Variants in GRID2 observed in about 807,000 individuals in gnomAD.
GRID2 encodes the protein glutamate ionotropic receptor delta type subunit 2.
In GRID2, 33 loss-of-function variants were observed where a neutral mutation model predicts 114.8. That is an observed-to-expected ratio of 0.29 (90% CI 0.22 to 0.38). GRID2 has a LOEUF of 0.38. Among genes scored for constraint, GRID2 ranks in the 10% least tolerant of loss-of-function variants. The pLI is 1.00. For synonymous variants in GRID2, 505 were observed against 449.9 expected (o/e 1.12, Z -1.55); for missense variants, 1,184 against 1,257.7 (o/e 0.94, Z 0.89).
At chr4:93,376,927 T>C (rs910725130) in intron 8 of GRID2, among the ~76,000 whole-genome samples, 2 of 152,142 alleles carry the variant, frequency 1.3e-5, no homozygotes, top group Non-Finnish European at 2.9e-5. Context: ...TTGCACACAT[T>C]TACCTTTGTA....
intron 2 of GRID2, among the ~76,000 whole-genome samples, chr4:92,988,042 A>G (rs1415900457): frequency 1.3e-5 from 2 of 152,224 alleles, no homozygotes; most frequent in East Asian, 1.9e-4. Context: ...CATTTATTCA[A>G]TAACTATTCA....
chr4:92,658,791 GTGTATA>G (rs1373711573), intron 2 of GRID2, among the ~76,000 whole-genome samples: 1,440 of 111,150 alleles, frequency 0.013, 34 homozygotes, highest in African/African-American at 0.041. Flanking sequence ...GTGTGTGTGT[GTGTATA>G]TATATATATA....
chr4:93,245,785 T>A (rs1748140165), intron 8 of GRID2, among the ~76,000 whole-genome samples: 1 of 152,214 alleles, frequency 6.6e-6, no homozygotes, highest in Non-Finnish European at 1.5e-5. Flanking sequence ...ATAGTAATAC[T>A]TATCTCTCAG....
At chr4:93,481,107 T>C (rs1291639775) in intron 11 of GRID2, among the ~76,000 whole-genome samples, 1 of 152,058 alleles carries the variant, frequency 6.6e-6, no homozygotes, top group Non-Finnish European at 1.5e-5. Flanking sequence ...TACTATTTGG[T>C]GTAAACTTTT....
chr4:93,363,637 A>G (rs1373571536), intron 8 of GRID2, among the ~76,000 whole-genome samples: 1 of 152,018 alleles, frequency 6.6e-6, no homozygotes, highest in African/African-American at 2.4e-5. Context: ...TGTGACATAG[A>G]ACATATGAAT....
At chr4:92,845,155 G>T (rs1743215934) in intron 2 of GRID2, among the ~76,000 whole-genome samples, 1 of 152,060 alleles carries the variant, frequency 6.6e-6, no homozygotes, top group Non-Finnish European at 1.5e-5. Context: ...GACTCCCAGG[G>T]ACCACATACC....
chr4:93,175,598 T>C (rs1351155942), intron 4 of GRID2, among the ~76,000 whole-genome samples: 2 of 152,176 alleles, frequency 1.3e-5, no homozygotes, highest in South Asian at 2.1e-4. Context: ...ACCAAAAATT[T>C]TGGTCAAGGG....
At chr4:93,094,369 A>T (rs1731025627) in intron 3 of GRID2, among the ~76,000 whole-genome samples, 1 of 152,034 alleles carries the variant, frequency 6.6e-6, no homozygotes, top group African/African-American at 2.4e-5. Context: ...TTTGAAATAC[A>T]TTTTATATGC....
At chr4:93,262,209 C>T (rs1352938080) in intron 8 of GRID2, among the ~76,000 whole-genome samples, 1 of 151,884 alleles carries the variant, frequency 6.6e-6, no homozygotes, top group Non-Finnish European at 1.5e-5. Context: ...AAAAATTTGA[C>T]CAGTTACTTA....
At chr4:93,276,558 C>T (rs1337514820) in intron 8 of GRID2, among the ~76,000 whole-genome samples, 1 of 151,998 alleles carries the variant, frequency 6.6e-6, no homozygotes, top group Non-Finnish European at 1.5e-5. Flanking sequence ...TCTTCCAATA[C>T]ATGAGCATGT....
At chr4:93,776,708 C>G (rs1424097100), downstream of GRID2, among the ~76,000 whole-genome samples, 1 of 152,126 alleles carries the variant, frequency 6.6e-6, no homozygotes, top group African/African-American at 2.4e-5. Context: ...TTCAGACCAC[C>G]TCCCCAAAGA....
intron 2 of GRID2, among the ~76,000 whole-genome samples, chr4:92,746,608 C>T (rs1049319398): frequency 2.6e-5 from 4 of 152,094 alleles, no homozygotes; most frequent in Admixed American, 2.0e-4. Flanking sequence ...CTCTGTTTAT[C>T]AGCTACAACT....
chr4:92,447,676 A>C (rs1474044510), intron 1 of GRID2, among the ~76,000 whole-genome samples: 7 of 152,214 alleles, frequency 4.6e-5, no homozygotes, highest in Non-Finnish European at 1.0e-4. Flanking sequence ...CCAAAATCAC[A>C]GTGCTTGCAG....
intron 2 of GRID2, among the ~76,000 whole-genome samples, chr4:92,594,260 G>A (rs1178776928): frequency 6.6e-6 from 1 of 151,656 alleles, no homozygotes; most frequent in Non-Finnish European, 1.5e-5. Flanking sequence ...TTTATGTTTT[G>A]ATATTTATTT....
intron 2 of GRID2, among the ~76,000 whole-genome samples, chr4:93,042,720 T>C (rs1199509671): frequency 6.8e-6 from 1 of 146,270 alleles, no homozygotes; most frequent in Non-Finnish European, 1.5e-5. Context: ...TATATAGATA[T>C]ATAGAGAGAG....
At chr4:93,115,883 G>A (rs2149357155) in intron 4 of GRID2, among the ~76,000 whole-genome samples, 1 of 152,220 alleles carries the variant, frequency 6.6e-6, no homozygotes, top group South Asian at 2.1e-4. Context: ...GGGAACTACA[G>A]GAGCTACAGT....
At chr4:93,021,760 A>T (rs1023403099) in intron 2 of GRID2, among the ~76,000 whole-genome samples, 106 of 145,338 alleles carry the variant, frequency 7.3e-4, no homozygotes, top group Admixed American at 6.2e-3. Context: ...TTATAATATG[A>T]ATATTATAAT....
intron 1 of GRID2, among the ~76,000 whole-genome samples, chr4:92,506,603 C>CT (rs112372430): frequency 0.24 from 35,825 of 151,460 alleles, 4,575 homozygotes; most frequent in Non-Finnish European, 0.29. Context: ...TGAAAATTGT[C>CT]TTTTTTTTAT....
chr4:93,682,813 G>T (rs1725703120), intron 14 of GRID2, among the ~76,000 whole-genome samples: 1 of 151,450 alleles, frequency 6.6e-6, no homozygotes, highest in South Asian at 2.1e-4. Flanking sequence ...GATAGCATTA[G>T]GAGATATACC....
Sources: gnomAD v4.1 joint callset for allele counts (sites outside exome capture counted in the v4.1 genomes callset) on GRCh38, gnomAD v4.1.1 for gene constraint, MANE v1.5 for transcripts, NCBI Gene and HGNC (gene_info 2026-07-23, HGNC 2026-07-21) for gene names.